The following MYO16 variants were observed in gnomAD, a reference collection of about 807,000 sequenced individuals.
MYO16 encodes the protein myosin XVI.
MYO16 carries 94 observed loss-of-function variants against 205.3 expected under a neutral mutation model. That is an observed-to-expected ratio of 0.46 (90% confidence interval 0.39 to 0.54). MYO16 has a LOEUF of 0.54. Among genes scored for constraint, MYO16 ranks in the 20% least tolerant of loss-of-function variants. The probability of loss-of-function intolerance (pLI) is 0.00; values close to 1 mark genes in which losing one functional copy is unlikely to be tolerated. For missense variants in MYO16, 2,315 were observed against 2,387.5 expected, an observed-to-expected ratio of 0.97 and a Z score of 0.63; for synonymous variants, 988 against 954.0, an observed-to-expected ratio of 1.04 and a Z score of -0.66.
chr13:109,100,773 T>C lies in MYO16; in HGVS notation c.3336-12T>C. The stretch of plus-strand genomic sequence containing the variant: ...TGCAGTCATTGCTTTCTGTCTCTGC[T>C]GCTTTTCACAGGTATAAGCCACTGG... On this transcript the variant is annotated splice_polypyrimidine_tract_variant and intron_variant, in intron 27 of 34. Transcript: ENST00000457511. 6.3e-7 allele frequency: 1 copy of C among 1,596,196 alleles called. No homozygotes were observed. Among genetic ancestry groups the C allele is most frequent in the African/African-American group, 1.3e-5 (1 of 74,724 alleles).
At chr13:108,964,017 A>G (rs1883692272) in intron 19 of MYO16, among the ~76,000 whole-genome samples, 1 of 152,026 alleles carries the variant, frequency 6.6e-6, no homozygotes, top group South Asian at 2.1e-4. Context: ...CTTCTAACAG[A>G]TTGGAAACAC....
At chr13:109,010,957 T>TTACATATATATA (rs1594466986) in intron 22 of MYO16, among the ~76,000 whole-genome samples, 2 of 118,572 alleles carry the variant, frequency 1.7e-5, no homozygotes, top group East Asian at 5.0e-4. Flanking sequence ...ACATATAATA[T>TTACATATATATA]TATATATATA....
At chr13:109,202,954 C>A (rs1880452998) in intron 34 of MYO16, among the ~76,000 whole-genome samples, 1 of 152,150 alleles carries the variant, frequency 6.6e-6, no homozygotes, top group Non-Finnish European at 1.5e-5. Context: ...GGGAAAGACA[C>A]CCTATTCAAC....
At chr13:108,519,861 A>T in the MYO16 span, among the ~76,000 whole-genome samples, 1 of 152,174 alleles carries the variant, frequency 6.6e-6, no homozygotes, top group Non-Finnish European at 1.5e-5. Flanking sequence ...ATATAAAAAA[A>T]CTGAAAACAT....
intron 32 of MYO16, among the ~76,000 whole-genome samples, chr13:109,145,128 A>G (rs929635299): frequency 6.6e-6 from 1 of 152,258 alleles, no homozygotes; most frequent in African/African-American, 2.4e-5. Flanking sequence ...AAGGAATTGT[A>G]GTGCTTACTG....
chr13:108,803,365 G>A (rs1034399104), intron 6 of MYO16, among the ~76,000 whole-genome samples: 1 of 152,056 alleles, frequency 6.6e-6, no homozygotes, highest in African/African-American at 2.4e-5. Context: ...CTTTTATTTG[G>A]GAAAATGAAA....
intron 4 of MYO16, among the ~76,000 whole-genome samples, chr13:108,778,143 C>A (rs2138900430): frequency 6.6e-6 from 1 of 152,302 alleles, no homozygotes; most frequent in Non-Finnish European, 1.5e-5. Flanking sequence ...AGGCATGAAT[C>A]TAGCAGAAAC....
At chr13:108,506,376 C>T in the MYO16 span, among the ~76,000 whole-genome samples, 1 of 151,846 alleles carries the variant, frequency 6.6e-6, no homozygotes, top group Non-Finnish European at 1.5e-5. Flanking sequence ...GGTCTTTTAC[C>T]TCTCTGGTTT....
At chr13:108,671,688 A>G (rs997587328) in intron 2 of MYO16, among the ~76,000 whole-genome samples, 6 of 152,306 alleles carry the variant, frequency 3.9e-5, no homozygotes, top group African/African-American at 1.4e-4. Flanking sequence ...AATATCACAG[A>G]CTAAACGGCT....
Position 109,023,532 on chromosome 13 carries a change from TAC to T in MYO16, c.2796+3623_2796+3624del, listed in dbSNP as rs1438577888. On this transcript the variant is annotated intron_variant, in intron 23 of 34. Transcript: ENST00000457511. The stretch of plus-strand genomic sequence containing the variant: ...AAATATATATATTTATAATTATATA[TAC>T]AATATATAGGTATATATTTATTATA... Among the ~76,000 whole-genome samples the T allele has an allele frequency of 4.7e-3, 534 of 113,188 alleles. 46 individuals carry two copies. The highest frequency in any genetic ancestry group is 0.025 in the Middle Eastern group (2 of 80). The allele number at this position is 113,188 out of a possible 152,430, so 74.3% of individuals were successfully genotyped here. A position where few individuals can be genotyped will look rare whatever the true frequency, so the allele number is the denominator to read the frequency against.
chr13:109,149,955 G>C (rs1313139815), intron 32 of MYO16, among the ~76,000 whole-genome samples: 1 of 152,162 alleles, frequency 6.6e-6, no homozygotes, highest in Non-Finnish European at 1.5e-5. Context: ...GTACTCACTT[G>C]CAGAGTAGCC....
At chr13:108,849,629 G>GTAATTTA (rs1877731276) in intron 10 of MYO16, among the ~76,000 whole-genome samples, 1 of 65,760 alleles carries the variant, frequency 1.5e-5, no homozygotes, top group African/African-American at 6.2e-5. Context: ...TTGTGTGTGT[G>GTAATTTA]TGTGTGTGTG....
chr13:109,207,391 T>TA lies in MYO16; in HGVS notation c.*561dup, dbSNP rs1429902883. Reference sequence around the variant, plus strand: ...CTTCCTTTCTTCAAAATACAGATTTTAAAAAATCATTTCTAGATTATTTTT... The same window carrying TA: ...CTTCCTTTCTTCAAAATACAGATTTTAAAAAAATCATTTCTAGATTATTTTT... On this transcript the variant is annotated 3_prime_UTR_variant, in exon 35 of 35. Coordinates refer to ENST00000457511, the MANE Select transcript of MYO16 (RefSeq NM_001198950.3). 6.6e-6 allele frequency: 1 copy of TA among 152,220 alleles called. No individual in the cohort carries two copies. Among genetic ancestry groups the TA allele is most frequent in the Non-Finnish European group, 1.5e-5 (1 of 68,056 alleles). The allele number at this position is 152,220 out of a possible 1,614,324, so 9.4% of individuals were successfully genotyped here. A position where few individuals can be genotyped will look rare whatever the true frequency, so the allele number is the denominator to read the frequency against.
In MYO16 at chr13:109,141,238, G is replaced by A. The variant is rs773388055; in HGVS notation, c.5026G>A (p.Ala1676Thr). The change falls in exon 32 of 35, where the codon GCC (alanine) becomes ACC (threonine). Residue 1676 changes from alanine (A) to threonine (T), a missense_variant. Coordinates refer to ENST00000457511, the MANE Select transcript of MYO16 (RefSeq NM_001198950.3). The surrounding 1 kb of genome is among the most constrained non-coding windows in gnomAD (Gnocchi z 4.1). ...GGACGCCAGGAAGGCCGGCTCCAGT[G>A]CCTCGCCCCCCGCGCCCTACAGCCC... ...RADARKAGSS[A>T]SPPAPYSPPS... 1.9e-6 allele frequency: 3 copies of A among 1,606,574 alleles called. No homozygotes were observed. In the African/African-American group the frequency reaches 4.0e-5, roughly 22 times the overall value.
chr13:108,575,886 G>A, the MYO16 span, among the ~76,000 whole-genome samples: 1 of 152,066 alleles, frequency 6.6e-6, no homozygotes, highest in African/African-American at 2.4e-5. Flanking sequence ...TCCAGCAGGT[G>A]AATGGATATG....
intron 24 of MYO16, among the ~76,000 whole-genome samples, chr13:109,051,567 C>T (rs979087114): frequency 5.3e-5 from 8 of 152,086 alleles, no homozygotes; most frequent in East Asian, 1.9e-4. Flanking sequence ...GACCCTTAAC[C>T]GCCACATACA....
chr13:108,951,761 C>T (rs889097697), intron 16 of MYO16, among the ~76,000 whole-genome samples: 1 of 152,058 alleles, frequency 6.6e-6, no homozygotes, highest in Admixed American at 6.5e-5. Context: ...CTTCAGTTGC[C>T]AACTCAACCC....
chr13:108,605,928 G>T (rs1878941623), intron 1 of MYO16, among the ~76,000 whole-genome samples: 1 of 152,172 alleles, frequency 6.6e-6, no homozygotes, highest in South Asian at 2.1e-4. Context: ...GAATTGTTCT[G>T]ACCAAAATTC....
intron 9 of MYO16, among the ~76,000 whole-genome samples, chr13:108,827,377 A>C (rs1876332889): frequency 6.6e-6 from 1 of 152,148 alleles, no homozygotes; most frequent in African/African-American, 2.4e-5. Flanking sequence ...TTCAGTGAGC[A>C]TTTTGTGCAG....
Sources: allele counts gnomAD v4.1 joint callset (sites outside exome capture counted in the v4.1 genomes callset), GRCh38; gene constraint gnomAD v4.1.1; non-coding constraint Gnocchi (gnomAD v3.1); transcripts MANE v1.5; gene names NCBI Gene and HGNC (gene_info 2026-07-23, HGNC 2026-07-21).